RTN1: variants seen among roughly 807,000 people sequenced by gnomAD.
The protein encoded by RTN1 is reticulon 1.
In RTN1, 25 loss-of-function variants were observed where a neutral mutation model predicts 65.5. That is an observed-to-expected ratio of 0.38 (90% CI 0.28 to 0.53). The LOEUF is 0.53. Among genes scored for constraint, RTN1 ranks in the 20% least tolerant of loss-of-function variants. RTN1 has a pLI of 0.79. For synonymous variants in RTN1, 471 were observed against 447.6 expected (o/e 1.05, Z -0.66); for missense variants, 983 against 1,025.4 (o/e 0.96, Z 0.57).
chr14:59,812,683 G>A (rs1318112131), intron 1 of RTN1, among the ~76,000 whole-genome samples: 1 of 152,206 alleles, frequency 6.6e-6, no homozygotes, highest in African/African-American at 2.4e-5. Flanking sequence ...TGTTTCTCAT[G>A]TATGAAAGTG....
chr14:59,700,906 C>T (rs1049565985), intron 3 of RTN1, among the ~76,000 whole-genome samples: 2 of 151,998 alleles, frequency 1.3e-5, no homozygotes, highest in African/African-American at 4.8e-5. Flanking sequence ...TATCAAAGGA[C>T]ACCATCAAGA....
intron 1 of RTN1, among the ~76,000 whole-genome samples, chr14:59,817,973 C>T (rs758190384): frequency 6.6e-6 from 1 of 152,050 alleles, no homozygotes; most frequent in Non-Finnish European, 1.5e-5. Context: ...GTTTTGTCAT[C>T]CAGGTAGTGA....
chr14:59,801,622 G>C (rs186036380), intron 1 of RTN1, among the ~76,000 whole-genome samples: 1 of 152,216 alleles, frequency 6.6e-6, no homozygotes, highest in Admixed American at 6.5e-5. Context: ...AGTTCTGCAG[G>C]AAGAAGATAA....
intron 1 of RTN1, among the ~76,000 whole-genome samples, chr14:59,785,443 T>G (rs996676506): frequency 1.3e-5 from 2 of 152,226 alleles, no homozygotes; most frequent in African/African-American, 4.8e-5. Context: ...ACTTCCCAGA[T>G]CTGAATGCCA....
At chr14:59,646,126 T>C (rs890008871) in intron 3 of RTN1, among the ~76,000 whole-genome samples, 2 of 152,156 alleles carry the variant, frequency 1.3e-5, no homozygotes, top group Admixed American at 6.5e-5. Context: ...ACTCATCTGA[T>C]AGAGCTGAAA....
chr14:59,796,502 T>C (rs1386694751), intron 1 of RTN1, among the ~76,000 whole-genome samples: 1 of 152,212 alleles, frequency 6.6e-6, no homozygotes, highest in East Asian at 1.9e-4. Context: ...TTTGCAAGAA[T>C]ATAGGACTTT....
intron 3 of RTN1, among the ~76,000 whole-genome samples, chr14:59,624,504 C>T (rs1406032087): frequency 6.6e-6 from 1 of 151,636 alleles, no homozygotes; most frequent in African/African-American, 2.4e-5. Context: ...CTCTGTTGCC[C>T]AGGCTGGAGT....
chr14:59,678,705 G>T (rs1883680683), intron 3 of RTN1, among the ~76,000 whole-genome samples: 1 of 152,104 alleles, frequency 6.6e-6, no homozygotes. Context: ...AACCTCCACT[G>T]TCCCCATTGT....
At chr14:59,608,113 C>T (rs1411334134) in intron 3 of RTN1, among the ~76,000 whole-genome samples, 1 of 152,076 alleles carries the variant, frequency 6.6e-6, no homozygotes, top group African/African-American at 2.4e-5. Flanking sequence ...CTTCAAATGT[C>T]ATGCAAAATG....
chr14:59,613,206 C>T (rs1882007354), intron 3 of RTN1, among the ~76,000 whole-genome samples: 1 of 152,182 alleles, frequency 6.6e-6, no homozygotes, highest in Non-Finnish European at 1.5e-5. Flanking sequence ...TGGCTAACAT[C>T]AGGTAATAAG....
At chr14:59,771,655 T>C (rs1267630207) in intron 1 of RTN1, among the ~76,000 whole-genome samples, 2 of 152,238 alleles carry the variant, frequency 1.3e-5, no homozygotes, top group Non-Finnish European at 2.9e-5. Context: ...GTCATAAAGA[T>C]ATTCTTTCAC....
intron 3 of RTN1, among the ~76,000 whole-genome samples, chr14:59,698,110 A>G (rs1406687739): frequency 6.6e-6 from 1 of 152,204 alleles, no homozygotes; most frequent in African/African-American, 2.4e-5. Flanking sequence ...AGTAACATCA[A>G]TATGAGATAA....
rs917377754 is a variant in RTN1, at chr14:59,829,281, C to T, written c.241+41109G>A. On this transcript the variant is annotated intron_variant, in intron 1 of 8. Transcript: ENST00000267484. The surrounding 1 kb of genome is among the most constrained non-coding windows in gnomAD (Gnocchi z 4.3). ...AATAAAAATATACATGAGTATAATA[C>T]AGGGAAAAACATGCTGTTGCACAAA... is the stretch of plus-strand genomic sequence containing the variant. 6.6e-6 allele frequency among the ~76,000 whole-genome samples: 1 copy of T among 152,078 alleles called. No homozygotes were observed. Among genetic ancestry groups the T allele is most frequent in the African/African-American group, 2.4e-5 (1 of 41,390 alleles).
At chr14:59,601,527 T>C (rs1881577876) in intron 8 of RTN1, among the ~76,000 whole-genome samples, 1 of 152,204 alleles carries the variant, frequency 6.6e-6, no homozygotes, top group Admixed American at 6.5e-5. Context: ...CCTCTGTACC[T>C]ATCATATGAA....
chr14:59,750,225 C>CTATAATA (rs1442951737), intron 1 of RTN1, among the ~76,000 whole-genome samples: 570 of 23,114 alleles, frequency 0.025, 67 homozygotes, highest in African/African-American at 0.054. Flanking sequence ...TATATTATAT[C>CTATAATA]TATAATATAT....
Sources: gnomAD v4.1 joint callset for allele counts (sites outside exome capture counted in the v4.1 genomes callset) on GRCh38, gnomAD v4.1.1 for gene constraint, Gnocchi (gnomAD v3.1) non-coding constraint, MANE v1.5 for transcripts, NCBI Gene and HGNC (gene_info 2026-07-23, HGNC 2026-07-21) for gene names.